ZNF780B: variants seen among roughly 807,000 people sequenced by gnomAD.
ZNF780B encodes the protein zinc finger protein 780B.
In ZNF780B, 52 loss-of-function variants were observed where a neutral mutation model predicts 74.1. The observed-to-expected ratio is 0.70, with a 90% CI of 0.56 to 0.88. The LOEUF is 0.88. Ranked by LOEUF, ZNF780B falls within the 40% of genes least tolerant of loss-of-function variation. The pLI is 0.00. For missense variants in ZNF780B, 953 were observed against 1,007.6 expected (o/e 0.95, Z 0.73); for synonymous variants, 315 against 324.3 (o/e 0.97, Z 0.31).
rs1599760851 is a variant in ZNF780B, at chr19:40,035,123, T to C, written c.1736A>G (p.His579Arg). 1.2e-6 allele frequency: 2 copies of C among 1,613,616 alleles called. No individual in the cohort carries two copies. Among genetic ancestry groups the C allele is most frequent in the Non-Finnish European group, 8.5e-7 (1 of 1,179,664 alleles). ...GSNLNQHRSIHTGKKPFECKE... is the reference protein window; with the variant it reads ...GSNLNQHRSIRTGKKPFECKE... ...ACATTCAAAGGGTTTCTTTCCGGTA[T>C]GAATACTTCGATGTTGATTAAGATT... The change falls in exon 5 of 5, where the codon CAT becomes CGT. Residue 579 changes from histidine to arginine, a missense_variant. Coordinates refer to ENST00000434248, the MANE Select transcript of ZNF780B (RefSeq NM_001005851.3).
At chr19:40,041,422 CT>C (rs1250331425) in intron 4 of ZNF780B, among the ~76,000 whole-genome samples, 1 of 152,148 alleles carries the variant, frequency 6.6e-6, no homozygotes, top group African/African-American at 2.4e-5. Flanking sequence ...TCTATTAGGT[CT>C]GCTTGGTGCA....
At position 40,032,382 on chromosome 19, in the gene ZNF780B, A is replaced by G; in HGVS notation, c.*1975T>C. 1 of 394,102 alleles carries G rather than the reference A, an allele frequency of 2.5e-6. No individual in the cohort carries two copies. Among genetic ancestry groups the G allele is most frequent in the Non-Finnish European group, 5.0e-6 (1 of 201,796 alleles). 24.4% of individuals were successfully genotyped at this position (394,102 alleles called of 1,614,324 possible). A position where few individuals can be genotyped will look rare whatever the true frequency, so the allele number is the denominator to read the frequency against. On this transcript the variant is annotated 3_prime_UTR_variant, in exon 5 of 5. Transcript: ENST00000434248. ...TGCTACAATACACTAAAGAGAGATA[A>G]CCAAATGCAATGCAGAATCTGCAAT...
In ZNF780B at chr19:40,036,189, T is replaced by A. The variant is rs763373084; in HGVS notation, c.670A>T (p.Lys224Ter). 1.9e-6 allele frequency: 3 copies of A among 1,613,556 alleles called. No homozygotes were observed. The highest frequency in any genetic ancestry group is 2.5e-6 in the Non-Finnish European group (3 of 1,179,840). ...AGATTAAAGGCTTTTCCACATTCCT[T>A]ACATTCAAAAGTTTTCTCACCAGTA... ...FHTGEKTFECKECGKAFNLPT... is the reference protein window; with the variant it reads ...FHTGEKTFEC The change falls in exon 5 of 5, where the codon AAG becomes TAG. Residue 224 changes from lysine (K) to a stop codon, truncating the protein, a stop_gained. Transcript: ENST00000434248. LOFTEE classifies it high-confidence loss of function.
intron 4 of ZNF780B, among the ~76,000 whole-genome samples, chr19:40,040,040 T>G (rs550311413): frequency 6.6e-6 from 1 of 152,286 alleles, no homozygotes; most frequent in South Asian, 2.1e-4. Flanking sequence ...TGATATTGGC[T>G]GTGGGTTTGT....
At chr19:40,040,117 T>G (rs1313369669) in intron 4 of ZNF780B, among the ~76,000 whole-genome samples, 1 of 152,216 alleles carries the variant, frequency 6.6e-6, no homozygotes, top group East Asian at 1.9e-4. Context: ...GTTTTTAGCA[T>G]GAATTTTGTT....
chr19:40,039,748 G>T (rs1269411074), intron 4 of ZNF780B, among the ~76,000 whole-genome samples: 6 of 152,254 alleles, frequency 3.9e-5, no homozygotes, highest in Non-Finnish European at 7.4e-5. Flanking sequence ...TGTGATTTTT[G>T]TACATTGATT....
intron 4 of ZNF780B, among the ~76,000 whole-genome samples, chr19:40,046,282 C>T (rs1972929566): frequency 6.6e-6 from 1 of 152,172 alleles, no homozygotes; most frequent in Non-Finnish European, 1.5e-5. Context: ...GATAAACCCT[C>T]CTCTGGTGGA....
rs1971969599 is a variant in ZNF780B, at chr19:40,030,595, C to G, written c.*3762G>C. 6.6e-6 allele frequency: 1 copy of G among 152,190 alleles called. No individual in the cohort carries two copies. Among genetic ancestry groups the G allele is most frequent in the Non-Finnish European group, 1.5e-5 (1 of 68,038 alleles). 9.4% of individuals were successfully genotyped at this position (152,190 alleles called of 1,614,324 possible). A position where few individuals can be genotyped will look rare whatever the true frequency, so the allele number is the denominator to read the frequency against. On this transcript the variant is annotated 3_prime_UTR_variant, in exon 5 of 5. Transcript: ENST00000434248. ...GGGATTACAGGCGTGAGCCACCGTG[C>G]CTGGCCGTGATTTTTAAATTTGTAC...
In ZNF780B at chr19:40,035,853, T is replaced by C; in HGVS notation, c.1006A>G (p.Lys336Glu). Residue 336 changes from lysine (K) to glutamate (E), a missense_variant, in exon 5 of 5, where the codon AAA becomes GAA. Transcript: ENST00000434248. ...AGAGTAAAGGCCTTTCTGCATTCTT[T>C]ACATTCAAAGGGTTTCTCGCCAGTA... Reference protein sequence around the residue: ...IHTGEKPFECKECRKAFTLLT... With the variant: ...IHTGEKPFECEECRKAFTLLT... 1 of 1,613,980 alleles carries C rather than the reference T, an allele frequency of 6.2e-7. No homozygotes were observed. Among genetic ancestry groups the C allele is most frequent in the Non-Finnish European group, 8.5e-7 (1 of 1,180,016 alleles).
In ZNF780B at chr19:40,048,812, C is replaced by A. The variant is rs1482429288; in HGVS notation, c.10-16G>T. The A allele has an allele frequency of 6.2e-7, 1 of 1,613,416 alleles. No homozygotes were observed. The highest frequency in any genetic ancestry group is 2.2e-5 in the East Asian group (1 of 44,894). ...TCACTGATCCCTGAAACCACAAACA[C>A]ATGGATTATGGTGAAATTGAAGAAA... is the stretch of plus-strand genomic sequence containing the variant. On this transcript the variant is annotated splice_polypyrimidine_tract_variant and intron_variant, in intron 2 of 4. Coordinates refer to ENST00000434248, the MANE Select transcript of ZNF780B (RefSeq NM_001005851.3).
Position 40,028,767 on chromosome 19 carries a change from C to A in ZNF780B, c.*5590G>T, listed in dbSNP as rs1338208812. The A allele has an allele frequency of 6.6e-6, 1 of 152,194 alleles. No homozygotes were observed. Among genetic ancestry groups the A allele is most frequent in the African/African-American group, 2.4e-5 (1 of 41,444 alleles). 9.4% of individuals were successfully genotyped at this position (152,194 alleles called of 1,614,324 possible). On this transcript the variant is annotated 3_prime_UTR_variant, in exon 5 of 5. Transcript: ENST00000434248. ...CATTCTGGCATCAGAATGGAATGAG[C>A]ACTCAGACTTATACAGAACTTGGAA... is the stretch of plus-strand genomic sequence containing the variant.
At chr19:40,036,753 G>C (rs1972345395) in intron 4 of ZNF780B, 127 bp from the exon 5 acceptor site, 1 of 606,326 alleles carries the variant, frequency 1.6e-6, no homozygotes, top group Non-Finnish European at 2.7e-6. Flanking sequence ...AAAAGGAAAA[G>C]GGTGCCAATA....
Position 40,035,119 on chromosome 19 carries a change from G to T in ZNF780B, c.1740C>A (p.Thr580=), listed in dbSNP as rs200580886. The part of the protein sequence containing the change: ...SNLNQHRSIH[T]GKKPFECKEC... ...CCTTACATTCAAAGGGTTTCTTTCC[G>T]GTATGAATACTTCGATGTTGATTAA... Residue 580 remains threonine, a synonymous_variant, in exon 5 of 5, where the codon ACC becomes ACA. Transcript: ENST00000434248. The T allele has an allele frequency of 6.2e-7, 1 of 1,613,006 alleles. No homozygotes were observed. Among genetic ancestry groups the T allele is most frequent in the South Asian group, 1.1e-5 (1 of 90,910 alleles).
chr19:40,036,401 G>T lies in ZNF780B; in HGVS notation c.458C>A (p.Thr153Asn). ...IISYEEMPAY[T>N]HASPIHNTHK... ...TGTATTATGAATAGGAGAAGCATGA[G>T]TATAAGCAGGCATTTCTTCATAGCT... is the stretch of plus-strand genomic sequence containing the variant. The change falls in exon 5 of 5, where the codon ACT becomes AAT. Residue 153 changes from threonine (T) to asparagine (N), a missense_variant. By Grantham distance (65) the Thr-to-Asn change is moderately conservative. Transcript: ENST00000434248. 1 of 1,609,380 alleles carries T rather than the reference G, an allele frequency of 6.2e-7. No individual in the cohort carries two copies. The highest frequency in any genetic ancestry group is 1.7e-5 in the Admixed American group (1 of 59,104).
chr19:40,050,614 G>A (rs955943893), intron 1 of ZNF780B, among the ~76,000 whole-genome samples: 13 of 152,236 alleles, frequency 8.5e-5, no homozygotes, highest in Admixed American at 2.0e-4. Context: ...AACCTGCGGC[G>A]GAAGCATGAA....
Position 40,032,298 on chromosome 19 carries a change from T to C in ZNF780B, c.*2059A>G, listed in dbSNP as rs1386998028. 1.1e-5 allele frequency: 4 copies of C among 367,088 alleles called. No homozygotes were observed. Among genetic ancestry groups the C allele is most frequent in the African/African-American group, 2.1e-5 (1 of 46,946 alleles). 22.7% of individuals were successfully genotyped at this position (367,088 alleles called of 1,614,324 possible). A position where few individuals can be genotyped will look rare whatever the true frequency, so the allele number is the denominator to read the frequency against. ...GCTACACTTCTGTAGGTTTACTAAG[T>C]TCCACAGGGGATTCTGATACCCACC... On this transcript the variant is annotated 3_prime_UTR_variant, in exon 5 of 5. Coordinates refer to ENST00000434248, the MANE Select transcript of ZNF780B (RefSeq NM_001005851.3).
chr19:40,052,629 A>C (rs1465578637), intron 1 of ZNF780B, among the ~76,000 whole-genome samples: 3 of 152,198 alleles, frequency 2.0e-5, no homozygotes, highest in Non-Finnish European at 4.4e-5. Context: ...AAATAGCCAA[A>C]GCAGTCTGGA....
At chr19:40,054,499 A>G (rs1973390555) in intron 1 of ZNF780B, among the ~76,000 whole-genome samples, 1 of 152,208 alleles carries the variant, frequency 6.6e-6, no homozygotes, top group Admixed American at 6.5e-5. Context: ...TGCACACGAT[A>G]AATACATACA....
chr19:40,037,833 A>G (rs2144733464), intron 4 of ZNF780B, among the ~76,000 whole-genome samples: 1 of 150,494 alleles, frequency 6.6e-6, no homozygotes, highest in African/African-American at 2.4e-5. Context: ...TTCATCTTCC[A>G]AGAATCGTCT....
Sources: gnomAD v4.1 joint callset for allele counts (sites outside exome capture counted in the v4.1 genomes callset) on GRCh38, gnomAD v4.1.1 for gene constraint, MANE v1.5 for transcripts, NCBI Gene and HGNC (gene_info 2026-07-23, HGNC 2026-07-21) for gene names.